CEACAM21: variants seen among roughly 807,000 people sequenced by gnomAD.
CEACAM21 encodes cell adhesion molecule CEACAM21.
A neutral mutation model predicts 33.2 loss-of-function variants in CEACAM21; 38 were observed. That is an observed-to-expected ratio of 1.14 (90% CI 0.88 to 1.50). The LOEUF is 1.50. Ranked by LOEUF, CEACAM21 falls within the 40% of genes most tolerant of loss-of-function variation. CEACAM21 has a pLI of 0.00. For missense variants in CEACAM21, 385 were observed against 364.6 expected, an observed-to-expected ratio of 1.06 and a Z score of -0.46; for synonymous variants, 156 against 143.0, an observed-to-expected ratio of 1.09 and a Z score of -0.65.
At chr19:41,566,551 T>A (rs1181494898) in intron 2 of CEACAM21, among the ~76,000 whole-genome samples, 2 of 152,204 alleles carry the variant, frequency 1.3e-5, no homozygotes, top group Admixed American at 1.3e-4. Flanking sequence ...TGTTTGCTAT[T>A]ATTAATTCTG....
At chr19:41,564,983 TGAG>T (rs2042153834) in exon 2 of CEACAM21, 1 of 152,336 alleles carries the variant, frequency 6.6e-6, no homozygotes, top group African/African-American at 2.4e-5. Context: ...GCGCAGGAAC[TGAG>T]GAGGAGAGGC....
chr19:41,577,957 C>A (rs2043078083), intron 2 of CEACAM21, among the ~76,000 whole-genome samples: 1 of 152,174 alleles, frequency 6.6e-6, no homozygotes, highest in Non-Finnish European at 1.5e-5. Flanking sequence ...GTCCCAAGAT[C>A]CTGACTCCAG....
chr19:41,551,045 G>C (rs938721340), intron 1 of CEACAM21: 14 of 152,052 alleles, frequency 9.2e-5, no homozygotes, highest in African/African-American at 3.4e-4. Context: ...AATTTACATC[G>C]GGACTCGTTT....
Position 41,576,173 on chromosome 19 carries a change from A to T in CEACAM21, c.-102A>T. On this transcript the variant is annotated 5_prime_UTR_variant, in exon 1 of 7. Coordinates refer to ENST00000401445, the MANE Select transcript of CEACAM21 (RefSeq NM_001098506.4). ...CCTGAGAGGAAGCTCAGCATAGAGG[A>T]AGGAAGGACAGCAGAGACAACAGTC... 7.2e-7 allele frequency: 1 copy of T among 1,380,272 alleles called. No individual in the cohort carries two copies. The highest frequency in any genetic ancestry group is 1.0e-6 in the Non-Finnish European group (1 of 981,340). 85.5% of individuals were successfully genotyped at this position (1,380,272 alleles called of 1,614,324 possible). A position where few individuals can be genotyped will look rare whatever the true frequency, so the allele number is the denominator to read the frequency against.
intron 2 of CEACAM21, among the ~76,000 whole-genome samples, chr19:41,567,950 G>C (rs2042372592): frequency 6.6e-6 from 1 of 150,986 alleles, no homozygotes; most frequent in Non-Finnish European, 1.5e-5. Flanking sequence ...ATTTTGTTTT[G>C]GGATTGGCTT....
At chr19:41,579,679 AG>A (rs1362924981) in intron 3 of CEACAM21, 51 bp downstream of exon 3, 1 of 1,290,696 alleles carries the variant, frequency 7.7e-7, no homozygotes, top group Non-Finnish European at 1.1e-6. Flanking sequence ...TTTTCCTAGG[AG>A]GGAGGGGGGG....
At chr19:41,550,263 T>G (rs1414752107) in intron 1 of CEACAM21, 1 of 152,220 alleles carries the variant, frequency 6.6e-6, no homozygotes, top group African/African-American at 2.4e-5. Context: ...TAAAATACAT[T>G]ATCTATTTCT....
chr19:41,568,342 C>A (rs1163446713), intron 2 of CEACAM21, among the ~76,000 whole-genome samples: 1 of 151,898 alleles, frequency 6.6e-6, no homozygotes, highest in African/African-American at 2.4e-5. Flanking sequence ...GAGATTTTAT[C>A]CAAAAACTCT....
chr19:41,579,406 G>C lies in CEACAM21; in HGVS notation c.478G>C (p.Gly160Arg). 1 of 1,613,930 alleles carries C rather than the reference G, an allele frequency of 6.2e-7. No homozygotes were observed. ...QASSTTVTEK[G>R]SVVLTCHTNN... Reference sequence around the variant, plus strand: ...CAGCAGCACCACAGTCACAGAGAAGGGCTCCGTGGTCCTGACCTGCCACAC... The same window carrying C: ...CAGCAGCACCACAGTCACAGAGAAGCGCTCCGTGGTCCTGACCTGCCACAC... The change falls in exon 3 of 7, where the codon GGC becomes CGC. Residue 160 changes from glycine (G) to arginine (R), a missense_variant. Gly to Arg is a moderately radical substitution (Grantham distance 125, BLOSUM62 -2). Transcript: ENST00000401445.
intron 6 of CEACAM21, chr19:41,586,150 C>T (rs2070721138): frequency 5.0e-6 from 3 of 598,234 alleles, no homozygotes; most frequent in Non-Finnish European, 9.0e-6. Context: ...TCTCCCCTGC[C>T]CAGATTCCCC....
In CEACAM21 at chr19:41,584,344, C is replaced by G. The variant is rs782029303; in HGVS notation, c.701-3C>G. ...CCTCATCCCCTTTGCCTTCTTCTTT[C>G]AGCAGATGACAACACTCTAGGCATC... On this transcript the variant is annotated splice_region_variant and splice_polypyrimidine_tract_variant and intron_variant, in intron 3 of 6. Coordinates refer to ENST00000401445, the MANE Select transcript of CEACAM21 (RefSeq NM_001098506.4). 1 of 1,609,018 alleles carries G rather than the reference C, an allele frequency of 6.2e-7. No homozygotes were observed. Among genetic ancestry groups the G allele is most frequent in the African/African-American group, 1.3e-5 (1 of 74,858 alleles).
rs782477896 is a variant in CEACAM21, at chr19:41,584,385, G to A, written c.739G>A (p.Val247Ile). 6.2e-7 allele frequency: 1 copy of A among 1,611,802 alleles called. No homozygotes were observed. Among genetic ancestry groups the A allele is most frequent in the East Asian group, 2.2e-5 (1 of 44,808 alleles). ...TCTAGGCATCCTGATCGGGGTCCTG[G>A]TTGGGAGTCTTCTGGTGGCTGCACT... ...NTLGILIGVL[V>I]GSLLVAALVC... The change falls in exon 4 of 7, where the codon GTT (valine) becomes ATT (isoleucine). Residue 247 changes from valine (V) to isoleucine (I), a missense_variant. Physicochemically the swap from Val to Ile is conservative, Grantham distance 29. Coordinates refer to ENST00000401445, the MANE Select transcript of CEACAM21 (RefSeq NM_001098506.4).
At position 41,584,334 on chromosome 19, in the gene CEACAM21, C is replaced by T; in HGVS notation, c.701-13C>T. ...CAGATTTGGACCTCATCCCCTTTGC[C>T]TTCTTCTTTCAGCAGATGACAACAC... On this transcript the variant is annotated splice_polypyrimidine_tract_variant and intron_variant, in intron 3 of 6. Transcript: ENST00000401445. The T allele has an allele frequency of 1.9e-6, 3 of 1,606,754 alleles. No homozygotes were observed. The highest frequency in any genetic ancestry group is 1.7e-6 in the Non-Finnish European group (2 of 1,175,980).
intron 4 of CEACAM21, among the ~76,000 whole-genome samples, chr19:41,584,661 A>G (rs2070585521): frequency 6.6e-6 from 1 of 152,190 alleles, no homozygotes; most frequent in Non-Finnish European, 1.5e-5. Flanking sequence ...AATTAAGGCC[A>G]TGCCCCTGAG....
chr19:41,550,825 G>A (rs1030677151), intron 1 of CEACAM21: 6 of 151,932 alleles, frequency 3.9e-5, no homozygotes, highest in Admixed American at 6.6e-5. Flanking sequence ...TATATGTTAC[G>A]GTAAAAATCT....
At chr19:41,567,098 G>T (rs1041309136) in intron 2 of CEACAM21, among the ~76,000 whole-genome samples, 1 of 152,056 alleles carries the variant, frequency 6.6e-6, no homozygotes, top group Non-Finnish European at 1.5e-5. Context: ...ATGGTCCAGG[G>T]TGGAATGACA....
At chr19:41,578,229 C>T (rs1460294473) in intron 2 of CEACAM21, among the ~76,000 whole-genome samples, 1 of 151,912 alleles carries the variant, frequency 6.6e-6, no homozygotes, top group African/African-American at 2.4e-5. Context: ...GTGCACTGTC[C>T]TCAGGAGGAG....
intron 1 of CEACAM21, chr19:41,554,825 A>G (rs976719770): frequency 4.6e-5 from 7 of 152,014 alleles, no homozygotes; most frequent in Non-Finnish European, 8.8e-5. Context: ...TACCCCTTCA[A>G]CTTTAGTCAA....
At chr19:41,562,021 G>A (rs1241897555) in intron 1 of CEACAM21, among the ~76,000 whole-genome samples, 1 of 152,206 alleles carries the variant, frequency 6.6e-6, no homozygotes, top group Non-Finnish European at 1.5e-5. Context: ...CAAAGAGGGT[G>A]GATCACCTGA....
Sources: gnomAD v4.1 joint callset for allele counts (sites outside exome capture counted in the v4.1 genomes callset) on GRCh38, gnomAD v4.1.1 for gene constraint, MANE v1.5 for transcripts, NCBI Gene and HGNC (gene_info 2026-07-23, HGNC 2026-07-21) for gene names.